The following HRG variants were observed in gnomAD, a reference collection of about 807,000 sequenced individuals.
HRG encodes histidine-rich glycoprotein.
In HRG, 26 loss-of-function variants were observed where a neutral mutation model predicts 29.5. That is an observed-to-expected ratio of 0.88 (90% CI 0.65 to 1.22). The LOEUF (loss-of-function observed/expected upper bound fraction) is 1.22, where lower values mean the gene tolerates loss of function less well. Ranked by LOEUF, HRG falls within the 50% of genes most tolerant of loss-of-function variation. The pLI, the probability that HRG is intolerant of heterozygous loss-of-function variation, is 0.00. For synonymous variants in HRG, 243 were observed against 240.4 expected (o/e 1.01, Z -0.10); for missense variants, 671 against 654.5 (o/e 1.03, Z -0.28).
chr3:186,669,140 T>C, intron 2 of HRG, 89 bp downstream of exon 2: 1 of 826,900 alleles, frequency 1.2e-6, no homozygotes, highest in South Asian at 1.3e-5. Flanking sequence ...GCTAACACAG[T>C]AGAAGAGAAA....
rs1212832757 is a variant in HRG at position 186,669,031 on chromosome 3, T to C, written c.280T>C (p.Ser94Pro). 1 of 1,599,128 alleles carries C rather than the reference T, an allele frequency of 6.3e-7. No homozygotes were observed. Among genetic ancestry groups the C allele is most frequent in the South Asian group, 1.1e-5 (1 of 90,832 alleles). Reference protein sequence around the residue: ...KYWNDCEPPDSRRPSEIVIGQ... With the variant: ...KYWNDCEPPDPRRPSEIVIGQ... ...CTGGAATGACTGTGAGCCACCTGATTCCAGACGTCCATCTGAAATAGTAAG... is the reference window on the plus strand; with the variant it reads ...CTGGAATGACTGTGAGCCACCTGATCCCAGACGTCCATCTGAAATAGTAAG... Residue 94 changes from serine (S) to proline (P), a missense_variant, in exon 2 of 7, where the codon TCC becomes CCC. By Grantham distance (74) the Ser-to-Pro change is moderately conservative. Coordinates refer to ENST00000232003, the MANE Select transcript of HRG (RefSeq NM_000412.5).
At chr3:186,672,740 T>A (rs773674379) in intron 4 of HRG, 47 bp from the exon 5 acceptor site, 1 of 1,322,252 alleles carries the variant, frequency 7.6e-7, no homozygotes, top group African/African-American at 1.5e-5. Context: ...TTTTTTTTCC[T>A]TTTTCTTTGT....
At chr3:186,671,502 C>T in intron 3 of HRG, 121 bp from the exon 4 acceptor site, 3 of 1,004,934 alleles carry the variant, frequency 3.0e-6, no homozygotes, top group East Asian at 2.4e-5. Flanking sequence ...GAAGCAGTTA[C>T]TCAGCTCTTC....
rs1233641111 is a variant in HRG at position 186,672,760 on chromosome 3, A to T, written c.559-27A>T. 3.3e-6 allele frequency: 5 copies of T among 1,494,422 alleles called. No individual in the cohort carries two copies. In the African/African-American group the frequency reaches 6.9e-5, roughly 21 times the overall value. 92.6% of individuals were successfully genotyped at this position (1,494,422 alleles called of 1,614,324 possible). ...TTTCCTTTTTCTTTGTCTGTTCTTG[A>T]AACTATTTTGATCCCATCTGTTCTA... On this transcript the variant is annotated intron_variant, in intron 4 of 6. Coordinates refer to ENST00000232003, the MANE Select transcript of HRG (RefSeq NM_000412.5).
At chr3:186,669,167 G>C in intron 2 of HRG, 116 bp downstream of exon 2, 1 of 776,770 alleles carries the variant, frequency 1.3e-6, no homozygotes. Context: ...CTTTTGCCTT[G>C]AGATTCATGA....
chr3:186,675,284 G>GGTGT lies in HRG; in HGVS notation c.741+116_741+119dup, dbSNP rs59016663. 1,731 of 534,772 alleles carry GGTGT rather than the reference G, an allele frequency of 3.2e-3. 23 individuals carry two copies. Among genetic ancestry groups the GGTGT allele is most frequent in the African/African-American group, 0.032 (1,565 of 49,410 alleles). 33.1% of individuals were successfully genotyped at this position (534,772 alleles called of 1,614,324 possible). Reference sequence around the variant, plus strand: ...GTTGCTTCCTAAAGCTCTATGAGTGGGTGTGTGTGTGTGTGTGTGTGTGTG... The same window carrying GGTGT: ...GTTGCTTCCTAAAGCTCTATGAGTGGGTGTGTGTGTGTGTGTGTGTGTGTGTGTG... On this transcript the variant is annotated intron_variant, in intron 6 of 6. Coordinates refer to ENST00000232003, the MANE Select transcript of HRG (RefSeq NM_000412.5).
intron 4 of HRG, 119 bp from the exon 5 acceptor site, chr3:186,672,668 A>T: frequency 1.4e-6 from 1 of 733,742 alleles, no homozygotes; most frequent in Non-Finnish European, 2.5e-6. Context: ...AAAATGACAC[A>T]TACTGGTGAT....
At chr3:186,676,948 A>G in intron 6 of HRG, 99 bp from the exon 7 acceptor site, 2 of 1,327,268 alleles carry the variant, frequency 1.5e-6, no homozygotes, top group Non-Finnish European at 2.2e-6. Context: ...TGATTTGTGG[A>G]ATCTATGATC....
chr3:186,672,005 G>A (rs1718815476), intron 4 of HRG, among the ~76,000 whole-genome samples: 1 of 151,968 alleles, frequency 6.6e-6, no homozygotes, highest in Non-Finnish European at 1.5e-5. Context: ...GATGGGTAGG[G>A]GAGTAGACAT....
chr3:186,675,081 C>T lies in HRG; in HGVS notation c.640-8C>T, dbSNP rs756430124. ...CACACACACTAACAGCTCCTCATTC[C>T]TTTGTAGGTCTTTGGATTCTGCAGA... On this transcript the variant is annotated splice_polypyrimidine_tract_variant and splice_region_variant and intron_variant, in intron 5 of 6. Coordinates refer to ENST00000232003, the MANE Select transcript of HRG (RefSeq NM_000412.5). 3 of 1,598,588 alleles carry T rather than the reference C, an allele frequency of 1.9e-6. No individual in the cohort carries two copies. Among genetic ancestry groups the T allele is most frequent in the Admixed American group, 1.7e-5 (1 of 60,004 alleles).
Position 186,675,125 on chromosome 3 carries a change from G to T in HRG, c.676G>T (p.Val226Leu). Residue 226 changes from valine (V) to leucine (L), a missense_variant, in exon 6 of 7, where the codon GTA becomes TTA. Val to Leu is a conservative substitution (Grantham distance 32). Coordinates refer to ENST00000232003, the MANE Select transcript of HRG (RefSeq NM_000412.5). ...GFCRADLFYDVEALDLESPKN... is the reference protein window; with the variant it reads ...GFCRADLFYDLEALDLESPKN... Reference sequence around the variant, plus strand: ...CTGCAGAGCAGATTTGTTCTATGATGTAGAAGCCTTGGACTTGGAAAGCCC... The same window carrying T: ...CTGCAGAGCAGATTTGTTCTATGATTTAGAAGCCTTGGACTTGGAAAGCCC... The T allele has an allele frequency of 6.2e-7, 1 of 1,613,836 alleles. No homozygotes were observed.
chr3:186,674,755 G>A, intron 5 of HRG: 1 of 363,834 alleles, frequency 2.7e-6, no homozygotes. Flanking sequence ...CTAGGCACAG[G>A]CAACTGAGGT....
intron 3 of HRG, among the ~76,000 whole-genome samples, chr3:186,670,321 G>T (rs993811374): frequency 5.9e-5 from 9 of 152,102 alleles, no homozygotes. Context: ...TATAGGCTTT[G>T]GAGTCAGGCT....
intron 5 of HRG, chr3:186,673,140 G>T: frequency 2.0e-6 from 1 of 496,420 alleles, no homozygotes. Context: ...TTTCGCTCTT[G>T]TTGCCCAGGT....
rs1719065459 is a variant in HRG, at chr3:186,678,050, A to C, written c.*167A>C. 3 of 673,240 alleles carry C rather than the reference A, an allele frequency of 4.5e-6. No individual in the cohort carries two copies. The highest frequency in any genetic ancestry group is 7.6e-6 in the Non-Finnish European group (3 of 396,846). 41.7% of individuals were successfully genotyped at this position (673,240 alleles called of 1,614,324 possible). A position where few individuals can be genotyped will look rare whatever the true frequency, so the allele number is the denominator to read the frequency against. ...TGGCCTGAGAAGAGAGATCAAATGG[A>C]AAGGAGAGGAAAGAACTCAGTGCTG... On this transcript the variant is annotated 3_prime_UTR_variant, in exon 7 of 7. Coordinates refer to ENST00000232003, the MANE Select transcript of HRG (RefSeq NM_000412.5).
At chr3:186,675,700 C>G (rs891588967) in intron 6 of HRG, among the ~76,000 whole-genome samples, 1 of 152,080 alleles carries the variant, frequency 6.6e-6, no homozygotes, top group Admixed American at 6.5e-5. Context: ...TATTTTGCAT[C>G]TGTCTCAGAA....
chr3:186,675,245 A>G (rs536722586), intron 6 of HRG, 55 bp downstream of exon 6: 2 of 1,062,204 alleles, frequency 1.9e-6, no homozygotes, highest in African/African-American at 1.6e-5. Context: ...TGACATACGT[A>G]CACAAATAGT....
chr3:186,671,240 G>T (rs2108575935), intron 3 of HRG, among the ~76,000 whole-genome samples: 1 of 5,620 alleles, frequency 1.8e-4, no homozygotes, highest in Admixed American at 3.8e-3. Context: ...CTAAATATAT[G>T]ATTATATAAT....
chr3:186,666,996 C>G (rs1340128347), intron 1 of HRG: 2 of 152,060 alleles, frequency 1.3e-5, no homozygotes, highest in African/African-American at 4.8e-5. Flanking sequence ...TAAATGAAGA[C>G]TCAGATATCC....
Sources: allele counts gnomAD v4.1 joint callset (sites outside exome capture counted in the v4.1 genomes callset), GRCh38; gene constraint gnomAD v4.1.1; transcripts MANE v1.5; gene names NCBI Gene and HGNC (gene_info 2026-07-23, HGNC 2026-07-21).